The following GAS2 variants were observed in gnomAD, a reference collection of about 807,000 sequenced individuals.
GAS2 encodes growth arrest-specific protein 2.
Under a neutral mutation model 37.5 loss-of-function variants are expected in GAS2, and 20 were observed. The observed-to-expected ratio is 0.53, with a 90% confidence interval of 0.37 to 0.77. The LOEUF is 0.77. GAS2 is among the 30% of genes least tolerant of loss of function. The pLI is 0.00. For missense variants in GAS2, 336 were observed against 373.4 expected, an observed-to-expected ratio of 0.90 and a Z score of 0.82; for synonymous variants, 144 against 132.2, an observed-to-expected ratio of 1.09 and a Z score of -0.61.
At chr11:22,765,209 A>G (rs1017996448) in intron 7 of GAS2, among the ~76,000 whole-genome samples, 64 of 152,262 alleles carry the variant, frequency 4.2e-4, no homozygotes, top group African/African-American at 1.2e-3. Flanking sequence ...TATATAGTGT[A>G]TGTGTATATT....
chr11:22,735,084 C>G (rs1225702522), intron 4 of GAS2, among the ~76,000 whole-genome samples: 1 of 151,712 alleles, frequency 6.6e-6, no homozygotes, highest in Non-Finnish European at 1.5e-5. Flanking sequence ...ATCACCACCA[C>G]CACATAACCA....
chr11:22,661,010 T>TA (rs1460225470), intron 1 of GAS2, among the ~76,000 whole-genome samples: 9 of 152,232 alleles, frequency 5.9e-5, no homozygotes, highest in Admixed American at 2.6e-4. Flanking sequence ...GTGTTATAGT[T>TA]ACAATAATGG....
chr11:22,802,886 G>A (rs1856729616), intron 7 of GAS2, among the ~76,000 whole-genome samples: 1 of 152,024 alleles, frequency 6.6e-6, no homozygotes, highest in South Asian at 2.1e-4. Flanking sequence ...TACTTACCAT[G>A]TGTTATAATT....
intron 7 of GAS2, among the ~76,000 whole-genome samples, chr11:22,807,059 G>A (rs1047217752): frequency 2.7e-5 from 4 of 149,412 alleles, no homozygotes; most frequent in African/African-American, 9.8e-5. Context: ...AAAGGCAATA[G>A]TGTATTTATG....
In GAS2 at chr11:22,811,879, T is replaced by C; in HGVS notation, c.805T>C (p.Cys269Arg). 2 of 1,614,196 alleles carry C rather than the reference T, an allele frequency of 1.2e-6. No homozygotes were observed. Among genetic ancestry groups the C allele is most frequent in the South Asian group, 1.1e-5 (1 of 91,090 alleles). Residue 269 changes from cysteine to arginine, a missense_variant, in exon 8 of 8, where the codon TGC (cysteine) becomes CGC (arginine). Coordinates refer to ENST00000454584, the MANE Select transcript of GAS2 (RefSeq NM_001143830.3). ...FAGYLLKHDP[C>R]RMLQISRVDG... is the part of the protein sequence containing the mutation. ...AGGGTATTTGTTGAAACACGACCCCTGCCGAATGCTGCAGATCTCCCGTGT... is the reference window on the plus strand; with the variant it reads ...AGGGTATTTGTTGAAACACGACCCCCGCCGAATGCTGCAGATCTCCCGTGT...
At chr11:22,658,889 A>C (rs1439808060) in intron 1 of GAS2, among the ~76,000 whole-genome samples, 2 of 152,250 alleles carry the variant, frequency 1.3e-5, no homozygotes, top group Non-Finnish European at 2.9e-5. Flanking sequence ...GAATGTTGAA[A>C]TTACGAAAGC....
At chr11:22,758,164 A>G (rs979038300) in intron 7 of GAS2, among the ~76,000 whole-genome samples, 15 of 152,192 alleles carry the variant, frequency 9.9e-5, no homozygotes, top group African/African-American at 3.6e-4. Context: ...AAATGATCAT[A>G]TGGTTGTCAC....
chr11:22,804,612 G>T (rs1167882354), intron 7 of GAS2, among the ~76,000 whole-genome samples: 2 of 152,080 alleles, frequency 1.3e-5, no homozygotes, highest in Admixed American at 6.6e-5. Flanking sequence ...AAGTATGAAA[G>T]TAAGAGTGGA....
At chr11:22,785,344 C>T (rs1202611101) in intron 7 of GAS2, among the ~76,000 whole-genome samples, 1 of 152,108 alleles carries the variant, frequency 6.6e-6, no homozygotes, top group Non-Finnish European at 1.5e-5. Flanking sequence ...CCCACTCCTA[C>T]CTAGCCTGTC....
At chr11:22,759,551 T>G (rs1055539395) in intron 7 of GAS2, among the ~76,000 whole-genome samples, 1 of 152,220 alleles carries the variant, frequency 6.6e-6, no homozygotes, top group Non-Finnish European at 1.5e-5. Flanking sequence ...AGCAACATTG[T>G]TTTTTTGAAC....
chr11:22,737,890 G>A lies in GAS2; in HGVS notation c.473+122G>A. 3 of 856,796 alleles carry A rather than the reference G, an allele frequency of 3.5e-6. No homozygotes were observed. The South Asian group carries it at 4.3e-5, about 12-fold the overall frequency. The allele number at this position is 856,796 out of a possible 1,614,324, so 53.1% of individuals were successfully genotyped here. A position where few individuals can be genotyped will look rare whatever the true frequency, so the allele number is the denominator to read the frequency against. ...GGATGTTGAGAAGCTACTCATTCAC[G>A]ATGATAATATGAACTTCTTGAGGGC... is the stretch of plus-strand genomic sequence containing the variant. On this transcript the variant is annotated intron_variant, in intron 5 of 7. Coordinates refer to ENST00000454584, the MANE Select transcript of GAS2 (RefSeq NM_001143830.3).
At chr11:22,781,189 A>G (rs1371541955) in intron 7 of GAS2, among the ~76,000 whole-genome samples, 1 of 152,296 alleles carries the variant, frequency 6.6e-6, no homozygotes, top group East Asian at 1.9e-4. Context: ...CACACACTAC[A>G]GACATCCTGT....
chr11:22,648,819 G>A (rs1004481078), intron 1 of GAS2, among the ~76,000 whole-genome samples: 14 of 150,688 alleles, frequency 9.3e-5, no homozygotes, highest in Non-Finnish European at 1.8e-4. Flanking sequence ...TTAAGGAGCT[G>A]AGATAATGGG....
intron 2 of GAS2, among the ~76,000 whole-genome samples, chr11:22,684,000 T>A (rs1467509702): frequency 6.6e-6 from 1 of 152,186 alleles, no homozygotes; most frequent in Non-Finnish European, 1.5e-5. Flanking sequence ...GTGTACTGGA[T>A]GAATCTCCCT....
At chr11:22,705,824 C>G (rs1851088381) in intron 3 of GAS2, among the ~76,000 whole-genome samples, 1 of 151,994 alleles carries the variant, frequency 6.6e-6, no homozygotes, top group South Asian at 2.1e-4. Context: ...TGTATAAATA[C>G]AAGAAAGTGT....
At chr11:22,705,955 A>G (rs1851094700) in intron 3 of GAS2, among the ~76,000 whole-genome samples, 1 of 152,134 alleles carries the variant, frequency 6.6e-6, no homozygotes, top group African/African-American at 2.4e-5. Flanking sequence ...TGTGCCAAAT[A>G]CAGTAAATTG....
intron 1 of GAS2, among the ~76,000 whole-genome samples, chr11:22,673,605 T>C (rs1849290955): frequency 6.6e-6 from 1 of 152,170 alleles, no homozygotes; most frequent in Non-Finnish European, 1.5e-5. Flanking sequence ...AAATAATGCA[T>C]ACAAAAGTGC....
intron 6 of GAS2, among the ~76,000 whole-genome samples, chr11:22,752,543 G>A (rs1853799621): frequency 6.6e-6 from 1 of 151,932 alleles, no homozygotes; most frequent in Non-Finnish European, 1.5e-5. Context: ...ATGGGTTTTA[G>A]AATAGAAATA....
intron 1 of GAS2, among the ~76,000 whole-genome samples, chr11:22,640,766 G>A (rs890914639): frequency 1.3e-5 from 2 of 151,972 alleles, no homozygotes; most frequent in Admixed American, 6.6e-5. Context: ...TTTTCACCAC[G>A]TATGTATATA....
Sources: gnomAD v4.1 joint callset for allele counts (sites outside exome capture counted in the v4.1 genomes callset) on GRCh38, gnomAD v4.1.1 for gene constraint, MANE v1.5 for transcripts, NCBI Gene and HGNC (gene_info 2026-07-23, HGNC 2026-07-21) for gene names.